ZNF831: variants seen among roughly 807,000 people sequenced by gnomAD.
ZNF831 encodes zinc finger protein 831.
ZNF831 carries 59 observed loss-of-function variants against 95.8 expected under a neutral mutation model. The observed-to-expected ratio is 0.62, with a 90% confidence interval of 0.50 to 0.77. The LOEUF is 0.77. Ranked by LOEUF, ZNF831 falls within the 30% of genes least tolerant of loss-of-function variation. The probability of loss-of-function intolerance (pLI) is 0.00; values close to 1 mark genes in which losing one functional copy is unlikely to be tolerated. For synonymous variants in ZNF831, 961 were observed against 925.5 expected (o/e 1.04, Z -0.70); for missense variants, 2,205 against 2,164.0 (o/e 1.02, Z -0.38).
intron 1 of ZNF831, among the ~76,000 whole-genome samples, chr20:59,164,675 T>C (rs1306085875): frequency 6.6e-6 from 1 of 152,218 alleles, no homozygotes; most frequent in Non-Finnish European, 1.5e-5. Flanking sequence ...CTACTATTTA[T>C]AGCAATTCTA....
In ZNF831 at chr20:59,194,083, T is replaced by C. The variant is rs746955063; in HGVS notation, c.3064T>C (p.Leu1022=). 1.2e-5 allele frequency: 19 copies of C among 1,540,046 alleles called. No individual in the cohort carries two copies. Among genetic ancestry groups the C allele is most frequent in the South Asian group, 3.8e-5 (3 of 78,904 alleles). Residue 1022 remains leucine (L), a synonymous_variant, in exon 2 of 6, where the codon TTG becomes CTG. Transcript: ENST00000371030. ...ACAGGATGGGAGAAAAGGGGCACAG[T>C]TGGGGGGGGACAAGGGGGACAGGAT... ...RPQDGRKGAQ[L]GGDKGDRMAT...
intron 1 of ZNF831, among the ~76,000 whole-genome samples, chr20:59,138,665 C>A (rs927747619): frequency 1.3e-5 from 2 of 152,214 alleles, no homozygotes; most frequent in Admixed American, 6.5e-5. Flanking sequence ...TGGGCAAAAG[C>A]TTTTAGAACC....
At position 59,193,408 on chromosome 20, in the gene ZNF831, G is replaced by A. The variant is rs780345393; in HGVS notation, c.2389G>A (p.Glu797Lys). 1 of 1,599,916 alleles carries A rather than the reference G, an allele frequency of 6.3e-7. No individual in the cohort carries two copies. The highest frequency in any genetic ancestry group is 8.5e-7 in the Non-Finnish European group (1 of 1,173,390). ...GGARGVGDVQETCLWAQTVLR... is the reference protein window; with the variant it reads ...GGARGVGDVQKTCLWAQTVLR... ...TGCCCGAGGTGTGGGGGATGTTCAG[G>A]AGACCTGCCTGTGGGCCCAGACTGT... Residue 797 changes from glutamate (E) to lysine (K), a missense_variant, in exon 2 of 6, where the codon GAG becomes AAG. By Grantham distance (56) the Glu-to-Lys change is moderately conservative (BLOSUM62 1). Transcript: ENST00000371030.
chr20:59,224,746 T>C (rs933189382), intron 4 of ZNF831, among the ~76,000 whole-genome samples: 3 of 152,242 alleles, frequency 2.0e-5, no homozygotes, highest in African/African-American at 7.2e-5. Context: ...AATTACTTGC[T>C]ACAGTGATTC....
intron 4 of ZNF831, among the ~76,000 whole-genome samples, chr20:59,239,551 T>G (rs1334363176): frequency 6.8e-6 from 1 of 146,538 alleles, no homozygotes; most frequent in East Asian, 2.0e-4. Flanking sequence ...TGTAAACACT[T>G]TTTTTTTTTT....
In ZNF831 at chr20:59,191,447, A is replaced by G. The variant is rs2146547948; in HGVS notation, c.428A>G (p.Lys143Arg). 1.9e-6 allele frequency: 3 copies of G among 1,613,004 alleles called. No homozygotes were observed. Among genetic ancestry groups the G allele is most frequent in the Non-Finnish European group, 2.5e-6 (3 of 1,179,974 alleles). Residue 143 changes from lysine to arginine, a missense_variant, in exon 2 of 6, where the codon AAG (lysine) becomes AGG (arginine). By Grantham distance (26) the Lys-to-Arg change is conservative. Coordinates refer to ENST00000371030, the MANE Select transcript of ZNF831 (RefSeq NM_178457.3). Reference protein sequence around the residue: ...GSPGKVRNAGKYLCPHCGRDC... With the variant: ...GSPGKVRNAGRYLCPHCGRDC... ...CCAGGCAAGGTGCGGAATGCGGGCA[A>G]GTACCTGTGTCCGCACTGTGGTCGC...
chr20:59,195,746 A>G, intron 2 of ZNF831, 123 bp from the exon 3 acceptor site: 1 of 1,497,388 alleles, frequency 6.7e-7, no homozygotes, highest in Non-Finnish European at 8.9e-7. Context: ...CCGTTTAGCA[A>G]TGCAGTATTT....
intron 1 of ZNF831, among the ~76,000 whole-genome samples, chr20:59,180,538 C>T (rs192237243): frequency 2.0e-4 from 30 of 152,108 alleles, no homozygotes; most frequent in East Asian, 5.8e-4. Context: ...GGCAACCCCA[C>T]GACAGGCTCT....
rs1279323077 is a variant in ZNF831, at chr20:59,191,435, G to T, written c.416G>T (p.Arg139Leu). Reference sequence around the variant, plus strand: ...ACGCTGGGCAGCCCAGGCAAGGTGCGGAATGCGGGCAAGTACCTGTGTCCG... The same window carrying T: ...ACGCTGGGCAGCCCAGGCAAGGTGCTGAATGCGGGCAAGTACCTGTGTCCG... The part of the protein sequence containing the change: ...GPTLGSPGKV[R>L]NAGKYLCPHC... The change falls in exon 2 of 6, where the codon CGG becomes CTG. Residue 139 changes from arginine (R) to leucine (L), a missense_variant. By Grantham distance (102) the Arg-to-Leu change is moderately radical. Transcript: ENST00000371030. 1 of 1,612,804 alleles carries T rather than the reference G, an allele frequency of 6.2e-7. No individual in the cohort carries two copies. Among genetic ancestry groups the T allele is most frequent in the South Asian group, 1.1e-5 (1 of 91,058 alleles).
rs1251663129 is a variant in ZNF831 at position 59,164,195 on chromosome 20, A to G, written c.-49A>G. Reference sequence around the variant, plus strand: ...GAGCATCATTGGCTGAAAACACTCCACTGTTTATAAAGGTATGTAACATGC... The same window carrying G: ...GAGCATCATTGGCTGAAAACACTCCGCTGTTTATAAAGGTATGTAACATGC... On this transcript the variant is annotated 5_prime_UTR_variant, in exon 1 of 6. Transcript: ENST00000371030. 6.6e-6 allele frequency among the ~76,000 whole-genome samples: 1 copy of G among 152,134 alleles called. No individual in the cohort carries two copies. The highest frequency in any genetic ancestry group is 1.5e-5 in the Non-Finnish European group (1 of 68,034).
intron 4 of ZNF831, among the ~76,000 whole-genome samples, chr20:59,232,383 A>G (rs1986774353): frequency 6.6e-6 from 1 of 152,168 alleles, no homozygotes; most frequent in Non-Finnish European, 1.5e-5. Flanking sequence ...TCAAATCATT[A>G]TTGATCTCGC....
chr20:59,170,114 T>A (rs536518577), intron 1 of ZNF831, among the ~76,000 whole-genome samples: 1 of 152,258 alleles, frequency 6.6e-6, no homozygotes, highest in East Asian at 1.9e-4. Context: ...CTTTTTCTTT[T>A]TCTTTTTAAA....
At chr20:59,131,129 C>T (rs1979340292) in intron 1 of ZNF831, among the ~76,000 whole-genome samples, 1 of 152,194 alleles carries the variant, frequency 6.6e-6, no homozygotes, top group Admixed American at 6.5e-5. Context: ...CCAGCATTAA[C>T]CTTCCAGCAT....
chr20:59,203,434 AG>A (rs1455406819), intron 3 of ZNF831, among the ~76,000 whole-genome samples: 8 of 152,282 alleles, frequency 5.3e-5, no homozygotes, highest in African/African-American at 1.9e-4. Context: ...TTCCTGCCTC[AG>A]CTTCTGGAGT....
At chr20:59,156,506 A>T (rs145224676) in intron 2 of ZNF831, among the ~76,000 whole-genome samples, 140 of 152,350 alleles carry the variant, frequency 9.2e-4, no homozygotes, top group African/African-American at 3.1e-3. Context: ...AGCCTGGGCG[A>T]CAGGGTGAGA....
rs917964500 is a variant in ZNF831, at chr20:59,169,399, C to T, written c.-37+5192C>T. On this transcript the variant is annotated intron_variant, in intron 1 of 5. Transcript: ENST00000371030. The surrounding 1 kb of genome is among the most constrained non-coding windows in gnomAD (Gnocchi z 4.1). ...GTCTGCAGGGTCTGTAGTGATAGCC[C>T]ATTTTCCTTCCTGACATTGATAGTT... 3.9e-5 allele frequency among the ~76,000 whole-genome samples: 6 copies of T among 152,144 alleles called. No individual in the cohort carries two copies. Among genetic ancestry groups the T allele is most frequent in the Non-Finnish European group, 8.8e-5 (6 of 68,016 alleles).
chr20:59,216,732 G>A (rs897867194), intron 4 of ZNF831, among the ~76,000 whole-genome samples: 9 of 152,182 alleles, frequency 5.9e-5, no homozygotes, highest in African/African-American at 2.2e-4. Context: ...AGGTACAGTG[G>A]AGGCTCACAG....
At chr20:59,249,900 C>G (rs139561810) in intron 4 of ZNF831, among the ~76,000 whole-genome samples, 1 of 152,020 alleles carries the variant, frequency 6.6e-6, no homozygotes, top group Non-Finnish European at 1.5e-5. Context: ...CAAGGAGAAA[C>G]GACTTGGAGA....
At chr20:59,138,645 G>A (rs186704368) in intron 1 of ZNF831, among the ~76,000 whole-genome samples, 14 of 152,336 alleles carry the variant, frequency 9.2e-5, no homozygotes, top group Admixed American at 2.6e-4. Context: ...AGAGGGACAC[G>A]TGCCATTTCT....
Sources: allele counts gnomAD v4.1 joint callset (sites outside exome capture counted in the v4.1 genomes callset), GRCh38; gene constraint gnomAD v4.1.1; non-coding constraint Gnocchi (gnomAD v3.1); transcripts MANE v1.5; gene names NCBI Gene and HGNC (gene_info 2026-07-23, HGNC 2026-07-21).